Variants in PCDH15 observed in about 807,000 individuals in gnomAD.
The protein encoded by PCDH15 is protocadherin related 15.
Under a neutral mutation model 178.5 loss-of-function variants are expected in PCDH15, and 129 were observed. The observed-to-expected ratio is 0.72, with a 90% CI of 0.63 to 0.84. The LOEUF (loss-of-function observed/expected upper bound fraction) is 0.84. PCDH15 is among the 40% of genes least tolerant of loss of function. PCDH15 has a pLI of 0.00. For synonymous variants in PCDH15, 800 were observed against 732.0 expected (o/e 1.09, Z -1.50); for missense variants, 2,230 against 2,099.9 (o/e 1.06, Z -1.21).
At chr10:55,493,392 C>A (rs1045576358) in intron 2 of PCDH15, among the ~76,000 whole-genome samples, 1 of 151,350 alleles carries the variant, frequency 6.6e-6, no homozygotes, top group Non-Finnish European at 1.5e-5. Flanking sequence ...CTTGTCACTA[C>A]AAAATATTAG....
At chr10:54,743,621 A>G (rs1373479706) in intron 1 of PCDH15, among the ~76,000 whole-genome samples, 2 of 152,036 alleles carry the variant, frequency 1.3e-5, no homozygotes, top group Non-Finnish European at 1.5e-5. Flanking sequence ...TACTCTATAC[A>G]AATTACCACC....
chr10:54,457,688 T>A (rs1215763890), intron 3 of PCDH15, among the ~76,000 whole-genome samples: 1 of 151,052 alleles, frequency 6.6e-6, no homozygotes, highest in Admixed American at 6.6e-5. Flanking sequence ...TGCTAAACAA[T>A]ATTTTTTAAA....
chr10:54,916,221 A>C (rs761299528), intron 2 of PCDH15, among the ~76,000 whole-genome samples: 121 of 152,258 alleles, frequency 7.9e-4, no homozygotes, highest in South Asian at 2.3e-3. Flanking sequence ...CAGCCTCCCA[A>C]AGTGCTGGGA....
intron 18 of PCDH15, among the ~76,000 whole-genome samples, chr10:54,062,224 T>C (rs2094031710): frequency 5.8e-5 from 2 of 34,656 alleles, no homozygotes; most frequent in Non-Finnish European, 1.0e-4. Flanking sequence ...TGAGATTCTG[T>C]CTCAAAAAAA....
intron 2 of PCDH15, among the ~76,000 whole-genome samples, chr10:55,067,217 T>C (rs767591431): frequency 8.5e-5 from 13 of 152,146 alleles, no homozygotes; most frequent in Middle Eastern, 3.4e-3. Flanking sequence ...CTGTACTCAT[T>C]AACCAACCTC....
chr10:54,016,496 T>C (rs1015078006), intron 20 of PCDH15, among the ~76,000 whole-genome samples: 6 of 145,714 alleles, frequency 4.1e-5, no homozygotes, highest in Admixed American at 2.1e-4. Flanking sequence ...CCATCAATGG[T>C]AGACTAAATA....
chr10:54,825,094 A>G (rs1050109932), intron 3 of PCDH15, among the ~76,000 whole-genome samples: 1 of 151,754 alleles, frequency 6.6e-6, no homozygotes, highest in Non-Finnish European at 1.5e-5. Flanking sequence ...TCATTGTTCA[A>G]TTCCCACCTA....
chr10:55,334,115 A>G (rs1844289790), intron 2 of PCDH15, among the ~76,000 whole-genome samples: 1 of 150,054 alleles, frequency 6.7e-6, no homozygotes, highest in Non-Finnish European at 1.5e-5. Flanking sequence ...GTATAGGTAT[A>G]GTCAGTGTGC....
intron 2 of PCDH15, among the ~76,000 whole-genome samples, chr10:55,420,886 A>G (rs2132045283): frequency 6.6e-6 from 1 of 151,888 alleles, no homozygotes; most frequent in Non-Finnish European, 1.5e-5. Context: ...GAAAGCCCAG[A>G]AGAAAAAGCA....
chr10:53,953,698 G>T (rs1453910036), intron 23 of PCDH15, among the ~76,000 whole-genome samples: 1 of 152,120 alleles, frequency 6.6e-6, no homozygotes, highest in African/African-American at 2.4e-5. Flanking sequence ...TTGAGTATAG[G>T]GTTGTCTTTG....
At chr10:55,017,829 G>A (rs1318237962) in intron 2 of PCDH15, among the ~76,000 whole-genome samples, 1 of 152,006 alleles carries the variant, frequency 6.6e-6, no homozygotes, top group Non-Finnish European at 1.5e-5. Flanking sequence ...AAACTCAGTG[G>A]TCTATAGACT....
intron 1 of PCDH15, among the ~76,000 whole-genome samples, chr10:54,682,364 T>C (rs554420577): frequency 1.3e-5 from 2 of 152,270 alleles, no homozygotes; most frequent in African/African-American, 4.8e-5. Flanking sequence ...TCACCACCAC[T>C]TTAGCCTGAA....
chr10:54,505,294 G>A (rs1305802978), intron 3 of PCDH15, among the ~76,000 whole-genome samples: 1 of 151,920 alleles, frequency 6.6e-6, no homozygotes. Context: ...GTATACACAG[G>A]TCTCTGTATG....
chr10:55,359,717 GGT>G (rs1424478642), intron 2 of PCDH15, among the ~76,000 whole-genome samples: 3 of 106,570 alleles, frequency 2.8e-5, no homozygotes, highest in African/African-American at 8.0e-5. Context: ...AAGAAAATGT[GGT>G]GTATATATAT....
chr10:55,253,015 G>A (rs1841881484), intron 1 of PCDH15, among the ~76,000 whole-genome samples: 1 of 152,096 alleles, frequency 6.6e-6, no homozygotes, highest in Non-Finnish European at 1.5e-5. Flanking sequence ...GAATGGTTGT[G>A]ATGACATTTT....
chr10:55,152,930 T>C (rs1356764352), intron 2 of PCDH15, among the ~76,000 whole-genome samples: 1 of 152,006 alleles, frequency 6.6e-6, no homozygotes, highest in Non-Finnish European at 1.5e-5. Flanking sequence ...AGGTTAAAGA[T>C]ATAACTCCCT....
intron 2 of PCDH15, among the ~76,000 whole-genome samples, chr10:55,119,773 A>G (rs930257020): frequency 6.6e-6 from 1 of 152,240 alleles, no homozygotes; most frequent in Non-Finnish European, 1.5e-5. Flanking sequence ...ATTTCACTTG[A>G]AAATAAATGA....
At chr10:54,337,883 C>T (rs1428937755) in intron 6 of PCDH15, among the ~76,000 whole-genome samples, 1 of 152,300 alleles carries the variant, frequency 6.6e-6, no homozygotes, top group Non-Finnish European at 1.5e-5. Context: ...CCCTAACCCT[C>T]TCTTTGTTCT....
At chr10:55,045,593 A>G (rs1246432553) in intron 2 of PCDH15, among the ~76,000 whole-genome samples, 2 of 152,088 alleles carry the variant, frequency 1.3e-5, no homozygotes, top group Non-Finnish European at 2.9e-5. Context: ...GAATTTACTA[A>G]AGATAACTGT....
Sources: allele counts gnomAD v4.1 joint callset (sites outside exome capture counted in the v4.1 genomes callset), GRCh38; gene constraint gnomAD v4.1.1; transcripts MANE v1.5; gene names NCBI Gene and HGNC (gene_info 2026-07-23, HGNC 2026-07-21).